SIM1: variants seen among roughly 807,000 people sequenced by gnomAD.
SIM1 encodes the protein single-minded homolog 1.
Under a neutral mutation model 78.2 loss-of-function variants are expected in SIM1, and 18 were observed. The ratio of observed to expected loss-of-function variants is 0.23; its 90% confidence interval spans 0.16 to 0.34. SIM1 has a LOEUF of 0.34. SIM1 is among the 10% of genes least tolerant of loss of function. The pLI is 1.00. For missense variants in SIM1, 939 were observed against 975.1 expected (o/e 0.96, Z 0.49); for synonymous variants, 417 against 385.2 (o/e 1.08, Z -0.97).
At chr6:100,436,877 T>C (rs1772065615) in intron 9 of SIM1, among the ~76,000 whole-genome samples, 4 of 152,014 alleles carry the variant, frequency 2.6e-5, no homozygotes, top group South Asian at 2.1e-4. Context: ...TAGCTAGGAC[T>C]ACAGCCCGCA....
intron 10 of SIM1, among the ~76,000 whole-genome samples, chr6:100,420,339 G>T (rs558116522): frequency 1.3e-5 from 2 of 152,206 alleles, no homozygotes; most frequent in African/African-American, 4.8e-5. Context: ...TAAATAGCCA[G>T]TCTGTGTTCA....
chr6:100,458,319 G>T lies in SIM1; in HGVS notation c.176-4475C>A, dbSNP rs374598094. Reference sequence around the variant, plus strand: ...GGTCTTCGAATGCGGCCCAGCTTTGGCTATGCCACCTCCCTAGAGGCCCGC... The same window carrying T: ...GGTCTTCGAATGCGGCCCAGCTTTGTCTATGCCACCTCCCTAGAGGCCCGC... On this transcript the variant is annotated intron_variant, in intron 2 of 11. Coordinates refer to ENST00000369208, the MANE Select transcript of SIM1 (RefSeq NM_005068.3). Among the ~76,000 whole-genome samples the T allele has an allele frequency of 2.2e-4, 33 of 152,322 alleles. No individual in the cohort carries two copies. The East Asian group carries it at 5.4e-3, about 25-fold the overall frequency.
rs1044346788 is a variant in SIM1 at position 100,385,771 on chromosome 6, G to T, written c.*4590C>A. The T allele has an allele frequency of 2.0e-5, 3 of 151,140 alleles. No homozygotes were observed. Among genetic ancestry groups the T allele is most frequent in the South Asian group, 2.1e-4 (1 of 4,794 alleles). The allele number at this position is 151,140 out of a possible 1,614,324, so 9.4% of individuals were successfully genotyped here. A position where few individuals can be genotyped will look rare whatever the true frequency, so the allele number is the denominator to read the frequency against. On this transcript the variant is annotated 3_prime_UTR_variant, in exon 12 of 12. Transcript: ENST00000369208. Reference sequence around the variant, plus strand: ...ATAAAAATCATATTTTTCTGTGTGCGTATGTGTGTGTGTATGCTTTCTGCA... The same window carrying T: ...ATAAAAATCATATTTTTCTGTGTGCTTATGTGTGTGTGTATGCTTTCTGCA...
intron 10 of SIM1, among the ~76,000 whole-genome samples, chr6:100,417,930 G>T (rs1395122): frequency 0.14 from 20,648 of 152,192 alleles, 1,924 homozygotes; most frequent in East Asian, 0.43. Context: ...CAAATGAGAC[G>T]TATGGTTGAA....
intron 10 of SIM1, among the ~76,000 whole-genome samples, chr6:100,418,392 T>TAAATAAATAAAAA (rs1562242470): frequency 8.1e-6 from 1 of 123,466 alleles, no homozygotes; most frequent in Non-Finnish European, 1.7e-5. Context: ...ATAAATAAAA[T>TAAATAAATAAAAA]AAAAAATTAA....
At chr6:100,461,146 G>A (rs573787123) in intron 2 of SIM1, among the ~76,000 whole-genome samples, 1 of 152,246 alleles carries the variant, frequency 6.6e-6, no homozygotes, top group East Asian at 1.9e-4. Flanking sequence ...GACCGTTCTG[G>A]CCACCAAGAG....
intron 9 of SIM1, among the ~76,000 whole-genome samples, chr6:100,430,843 G>T (rs1282907422): frequency 6.6e-6 from 1 of 152,038 alleles, no homozygotes; most frequent in Non-Finnish European, 1.5e-5. Context: ...GTATCCTCTG[G>T]TGGAGGGGTG....
At chr6:100,404,715 T>C (rs751747824) in intron 10 of SIM1, among the ~76,000 whole-genome samples, 2 of 152,234 alleles carry the variant, frequency 1.3e-5, no homozygotes, top group Non-Finnish European at 2.9e-5. Context: ...CTGTTTACTA[T>C]AAAGAATGGC....
chr6:100,431,663 T>C (rs1562247978), intron 9 of SIM1, among the ~76,000 whole-genome samples: 1 of 152,176 alleles, frequency 6.6e-6, no homozygotes, highest in Non-Finnish European at 1.5e-5. Flanking sequence ...AGAACTTGTA[T>C]AATACTACAC....
chr6:100,385,275 T>C lies in SIM1; in HGVS notation c.*5086A>G, dbSNP rs969754374. On this transcript the variant is annotated 3_prime_UTR_variant, in exon 12 of 12. Coordinates refer to ENST00000369208, the MANE Select transcript of SIM1 (RefSeq NM_005068.3). ...GTATTTGAAATATTGGCGATCAGTA[T>C]CTTTTCTCACAAATATAATCCTTTT... is the stretch of plus-strand genomic sequence containing the variant. The C allele has an allele frequency of 5.3e-5, 8 of 152,066 alleles. No individual in the cohort carries two copies. The highest frequency in any genetic ancestry group is 4.6e-4 in the Admixed American group (7 of 15,266). The allele number at this position is 152,066 out of a possible 1,614,324, so 9.4% of individuals were successfully genotyped here. A position where few individuals can be genotyped will look rare whatever the true frequency, so the allele number is the denominator to read the frequency against.
chr6:100,423,227 T>C (rs558004245), intron 9 of SIM1, among the ~76,000 whole-genome samples: 3 of 152,226 alleles, frequency 2.0e-5, no homozygotes, highest in African/African-American at 7.2e-5. Flanking sequence ...CATCTACCCC[T>C]TGCTTCATCC....
intron 10 of SIM1, 84 bp downstream of exon 10, chr6:100,420,706 C>G: frequency 7.6e-7 from 1 of 1,319,614 alleles, no homozygotes; most frequent in East Asian, 2.3e-5. Context: ...ATAATTCATT[C>G]CAAATAGTTT....
Position 100,448,226 on chromosome 6 carries a change from G to A in SIM1, c.770C>T (p.Pro257Leu). The A allele has an allele frequency of 1.2e-6, 2 of 1,613,652 alleles. No individual in the cohort carries two copies. The highest frequency in any genetic ancestry group is 1.7e-6 in the Non-Finnish European group (2 of 1,179,890). ...CAGAGTCTTCTCAATCAGGTCCTGA[G>A]GTTCGTACCCCGTCAGCTCCGCCAC... Reference protein sequence around the residue: ...SRVAELTGYEPQDLIEKTLYH... With the variant: ...SRVAELTGYELQDLIEKTLYH... Residue 257 changes from proline (P) to leucine (L), a missense_variant, in exon 8 of 12, where the codon CCT (proline) becomes CTT (leucine). Physicochemically the swap from Pro to Leu is moderately conservative, Grantham distance 98 (BLOSUM62 -3). Transcript: ENST00000369208.
intron 9 of SIM1, among the ~76,000 whole-genome samples, chr6:100,439,332 C>G (rs577864580): frequency 3.9e-5 from 6 of 152,312 alleles, no homozygotes; most frequent in African/African-American, 1.4e-4. Flanking sequence ...ACTTCTGCTT[C>G]CAACCCTTAA....
At chr6:100,393,387 A>C (rs2114462443) in intron 11 of SIM1, 100 bp downstream of exon 11, 1 of 1,062,630 alleles carries the variant, frequency 9.4e-7, no homozygotes, top group Non-Finnish European at 1.3e-6. Context: ...TTGTAAATCA[A>C]AGAAGATAAC....
chr6:100,421,664 G>A (rs1317266350), intron 9 of SIM1, among the ~76,000 whole-genome samples: 2 of 152,078 alleles, frequency 1.3e-5, no homozygotes, highest in African/African-American at 2.4e-5. Flanking sequence ...TGCAGACTGT[G>A]GTATGAAGCT....
rs1281008193 is a variant in SIM1, at chr6:100,412,644, A to G, written c.1167+8146T>C. On this transcript the variant is annotated intron_variant, in intron 10 of 11. Coordinates refer to ENST00000369208, the MANE Select transcript of SIM1 (RefSeq NM_005068.3). ...AGAAGGAAAGAAAGAAAGAAAAGAA[A>G]GAAAGAAAGAAAGAGAGAGAGAGAG... Among the ~76,000 whole-genome samples the G allele has an allele frequency of 3.4e-4, 41 of 119,590 alleles. 2 individuals carry two copies. Among genetic ancestry groups the G allele is most frequent in the African/African-American group, 1.4e-3 (41 of 30,220 alleles). The allele number at this position is 119,590 out of a possible 152,430, so 78.5% of individuals were successfully genotyped here.
chr6:100,443,081 A>C (rs78549200), intron 9 of SIM1, among the ~76,000 whole-genome samples: 1 of 151,972 alleles, frequency 6.6e-6, no homozygotes. Context: ...TTTCATTGAC[A>C]TGAAGGAAGT....
intron 9 of SIM1, among the ~76,000 whole-genome samples, chr6:100,440,866 AC>A (rs1772194884): frequency 1.3e-5 from 2 of 151,920 alleles, no homozygotes; most frequent in African/African-American, 4.8e-5. Flanking sequence ...CCCCCACCAC[AC>A]ACACATCTTG....
Sources: allele counts gnomAD v4.1 joint callset (sites outside exome capture counted in the v4.1 genomes callset), GRCh38; gene constraint gnomAD v4.1.1; transcripts MANE v1.5; gene names NCBI Gene and HGNC (gene_info 2026-07-23, HGNC 2026-07-21).